NPAS2: variants seen among roughly 807,000 people sequenced by gnomAD.
NPAS2 encodes neuronal PAS domain protein 2.
Under a neutral mutation model 107.5 loss-of-function variants are expected in NPAS2, and 23 were observed. The ratio of observed to expected loss-of-function variants is 0.21; its 90% CI spans 0.15 to 0.30. The LOEUF (loss-of-function observed/expected upper bound fraction) is 0.30, where lower values mean the gene tolerates loss of function less well. NPAS2 is among the 10% of genes least tolerant of loss of function. The pLI is 1.00. For missense variants in NPAS2, 756 were observed against 1,043.3 expected, an observed-to-expected ratio of 0.72 and a Z score of 3.79; for synonymous variants, 403 against 417.5, an observed-to-expected ratio of 0.97 and a Z score of 0.42.
At chr2:100,873,285 T>C (rs1360129504) in intron 1 of NPAS2, among the ~76,000 whole-genome samples, 1 of 34,556 alleles carries the variant, frequency 2.9e-5, no homozygotes, top group Non-Finnish European at 6.5e-5. Flanking sequence ...CATATATATA[T>C]ATATATATAT....
At chr2:100,969,918 T>C (rs1038244285) in intron 11 of NPAS2, among the ~76,000 whole-genome samples, 1 of 152,176 alleles carries the variant, frequency 6.6e-6, no homozygotes, top group African/African-American at 2.4e-5. Flanking sequence ...CATAAGCACA[T>C]GACTATATAT....
rs1676948311 is a variant in NPAS2, at chr2:100,975,752, A to G, written c.1392+185A>G. The G allele has an allele frequency of 7.9e-6, 4 of 505,142 alleles. No homozygotes were observed. In the South Asian group the frequency reaches 1.2e-4, roughly 15 times the overall value. The allele number at this position is 505,142 out of a possible 1,614,324, so 31.3% of individuals were successfully genotyped here. On this transcript the variant is annotated intron_variant, in intron 14 of 20. Transcript: ENST00000335681. ...GCAACTAATTTTAAACATTTGCATG[A>G]CAAAATTAACATGGATGCATATCCA... is the stretch of plus-strand genomic sequence containing the variant.
chr2:100,827,835 A>C lies in NPAS2; in HGVS notation c.-23+7421A>C, dbSNP rs142505746. Among the ~76,000 whole-genome samples the C allele has an allele frequency of 6.1e-3, 931 of 152,290 alleles. 13 individuals are homozygous for C. Among genetic ancestry groups the C allele is most frequent in the African/African-American group, 0.022 (906 of 41,564 alleles). ...CATGTCCAGTAGACATGGACATGGAATCACGATTGCTATTGTGAATAGTGC... is the reference window on the plus strand; with the variant it reads ...CATGTCCAGTAGACATGGACATGGACTCACGATTGCTATTGTGAATAGTGC... On this transcript the variant is annotated intron_variant, in intron 1 of 20. Transcript: ENST00000335681.
chr2:100,824,602 C>G (rs1385115203), intron 1 of NPAS2, among the ~76,000 whole-genome samples: 1 of 152,130 alleles, frequency 6.6e-6, no homozygotes. Context: ...TGGAATTCAC[C>G]TGGGGTGCCT....
intron 16 of NPAS2, chr2:100,982,598 C>T (rs1677517841): frequency 3.4e-6 from 2 of 586,522 alleles, no homozygotes; most frequent in South Asian, 4.1e-5. Context: ...CTTCCCTCGC[C>T]CCTCACTCTG....
chr2:100,893,116 C>T (rs1292892053), intron 1 of NPAS2, among the ~76,000 whole-genome samples: 1 of 152,148 alleles, frequency 6.6e-6, no homozygotes, highest in African/African-American at 2.4e-5. Flanking sequence ...TCCTAGCTTC[C>T]CCAAATGACA....
chr2:100,993,637 C>A, intron 20 of NPAS2, 110 bp downstream of exon 20: 1 of 868,766 alleles, frequency 1.2e-6, no homozygotes, highest in Non-Finnish European at 1.7e-6. Context: ...TTGTTCTATC[C>A]CTAGTATAGA....
chr2:100,934,057 A>G (rs1164851896), intron 4 of NPAS2: 1 of 152,256 alleles, frequency 6.6e-6, no homozygotes, highest in African/African-American at 2.4e-5. Flanking sequence ...ATGAAATGTA[A>G]ACGCATTAAT....
chr2:100,979,085 A>T (rs560439826), intron 15 of NPAS2, among the ~76,000 whole-genome samples: 10 of 152,310 alleles, frequency 6.6e-5, no homozygotes, highest in Admixed American at 1.3e-4. Context: ...TTCGGAACAT[A>T]TGCCCTCTTA....
Position 100,968,171 on chromosome 2 carries a change from T to G in NPAS2, c.908-110T>G. The G allele has an allele frequency of 1.6e-5, 18 of 1,128,956 alleles. No homozygotes were observed. Among genetic ancestry groups the G allele is most frequent in the South Asian group, 2.9e-5 (2 of 68,410 alleles). The allele number at this position is 1,128,956 out of a possible 1,614,324, so 69.9% of individuals were successfully genotyped here. A position where few individuals can be genotyped will look rare whatever the true frequency, so the allele number is the denominator to read the frequency against. On this transcript the variant is annotated intron_variant, in intron 10 of 20. Coordinates refer to ENST00000335681, the MANE Select transcript of NPAS2 (RefSeq NM_002518.4). The surrounding 1 kb of genome is among the most constrained non-coding windows in gnomAD (Gnocchi z 5.3). Reference sequence around the variant, plus strand: ...ACAGGGCAACCGGGGAAACAAGCCATGTTTGGTATTGTCTTTTTTTTTGAA... The same window carrying G: ...ACAGGGCAACCGGGGAAACAAGCCAGGTTTGGTATTGTCTTTTTTTTTGAA...
intron 1 of NPAS2, among the ~76,000 whole-genome samples, chr2:100,863,126 C>G (rs911814634): frequency 1.3e-5 from 2 of 152,192 alleles, no homozygotes; most frequent in Admixed American, 6.5e-5. Flanking sequence ...AAACAACAGC[C>G]CGACCTTCTC....
chr2:100,937,988 G>A lies in NPAS2; in HGVS notation c.363+146G>A, dbSNP rs1684444281. 1.5e-5 allele frequency: 11 copies of A among 724,464 alleles called. No homozygotes were observed. In the South Asian group the frequency reaches 1.7e-4, roughly 11 times the overall value. 44.9% of individuals were successfully genotyped at this position (724,464 alleles called of 1,614,324 possible). On this transcript the variant is annotated intron_variant, in intron 5 of 20. Coordinates refer to ENST00000335681, the MANE Select transcript of NPAS2 (RefSeq NM_002518.4). The stretch of plus-strand genomic sequence containing the variant: ...GAGTAAAGGACTGCTGAGTTTTGGG[G>A]ACAGGACCAGGCCGAGGTCAAGGTC...
chr2:100,888,569 T>C (rs1432677747), intron 1 of NPAS2, among the ~76,000 whole-genome samples: 1 of 152,192 alleles, frequency 6.6e-6, no homozygotes, highest in East Asian at 1.9e-4. Flanking sequence ...CTTTATTCTT[T>C]GCTGAAATAT....
chr2:100,918,983 C>T (rs961764213), intron 2 of NPAS2, among the ~76,000 whole-genome samples: 4 of 152,174 alleles, frequency 2.6e-5, no homozygotes, highest in Non-Finnish European at 5.9e-5. Context: ...AAACTGGAAA[C>T]AACCCACATT....
chr2:100,971,213 C>A, intron 12 of NPAS2, 139 bp downstream of exon 12: 1 of 682,834 alleles, frequency 1.5e-6, no homozygotes, highest in Non-Finnish European at 2.4e-6. Flanking sequence ...GTGGGAGGAT[C>A]CCTTGAGGCC....
intron 5 of NPAS2, among the ~76,000 whole-genome samples, chr2:100,947,718 C>T (rs1674988908): frequency 6.6e-6 from 1 of 152,192 alleles, no homozygotes. Flanking sequence ...TGAACTCTAC[C>T]TTGTATTTAT....
At chr2:100,956,889 G>T (rs558798840) in intron 7 of NPAS2, among the ~76,000 whole-genome samples, 1 of 152,328 alleles carries the variant, frequency 6.6e-6, no homozygotes, top group African/African-American at 2.4e-5. Flanking sequence ...GAGGAACAAA[G>T]CCCCTTTGCT....
chr2:100,853,783 C>A (rs1489954544), intron 1 of NPAS2, among the ~76,000 whole-genome samples: 11 of 152,054 alleles, frequency 7.2e-5, no homozygotes, highest in Admixed American at 7.2e-4. Flanking sequence ...AGCCTTCTGG[C>A]ACACATCTGT....
At chr2:100,929,812 A>G (rs1243380495) in intron 3 of NPAS2, among the ~76,000 whole-genome samples, 2 of 152,184 alleles carry the variant, frequency 1.3e-5, no homozygotes, top group Non-Finnish European at 2.9e-5. Context: ...AAGAACTATG[A>G]ATTTCAACAT....
Sources: allele counts gnomAD v4.1 joint callset (sites outside exome capture counted in the v4.1 genomes callset), GRCh38; gene constraint gnomAD v4.1.1; non-coding constraint Gnocchi (gnomAD v3.1); transcripts MANE v1.5; gene names NCBI Gene and HGNC (gene_info 2026-07-23, HGNC 2026-07-21).